The following CCN6 variants were observed in gnomAD, a reference collection of about 807,000 sequenced individuals.
CCN6 encodes the protein CCN family member 6.
CCN6 carries 31 observed loss-of-function variants against 37.4 expected under a neutral mutation model. The ratio of observed to expected loss-of-function variants is 0.83; its 90% CI spans 0.62 to 1.12. CCN6 has a LOEUF of 1.12. Among genes scored for constraint, CCN6 ranks in the 50% most tolerant of loss-of-function variants. CCN6 has a pLI of 0.00. For synonymous variants in CCN6, 137 were observed against 142.1 expected, an observed-to-expected ratio of 0.96 and a Z score of 0.26; for missense variants, 369 against 413.8, an observed-to-expected ratio of 0.89 and a Z score of 0.94.
At chr6:112,057,925 G>A (rs1315168245) in intron 1 of CCN6, among the ~76,000 whole-genome samples, 2 of 152,168 alleles carry the variant, frequency 1.3e-5, no homozygotes, top group African/African-American at 2.4e-5. Flanking sequence ...AGGTAGAGGA[G>A]AGTTAAATGC....
chr6:112,069,072 CAG>C (rs1362155261), intron 4 of CCN6, among the ~76,000 whole-genome samples: 8 of 152,026 alleles, frequency 5.3e-5, no homozygotes, highest in African/African-American at 1.9e-4. Context: ...TTAAACAAAA[CAG>C]AAATTTCTAT....
chr6:112,060,281 G>T (rs1776474708), intron 1 of CCN6, among the ~76,000 whole-genome samples: 1 of 152,190 alleles, frequency 6.6e-6, no homozygotes, highest in African/African-American at 2.4e-5. Flanking sequence ...AGCAAGGAAG[G>T]TGAACACTCA....
In CCN6 at chr6:112,061,152, T is replaced by C. The variant is rs150881320; in HGVS notation, c.210T>C (p.Asp70=). The C allele has an allele frequency of 6.8e-6, 11 of 1,614,006 alleles. No homozygotes were observed. The highest frequency in any genetic ancestry group is 1.6e-4 in the Middle Eastern group (1 of 6,082). Residue 70 remains aspartate (D), a synonymous_variant, in exon 2 of 5, where the codon GAT becomes GAC. Coordinates refer to ENST00000368666, the MANE Select transcript of CCN6 (RefSeq NM_198239.2). Reference sequence around the variant, plus strand: ...CTCCTGGAGTGAGCCTGGTGAGAGATGGCTGTGGATGCTGTAAAATCTGTG... The same window carrying C: ...CTCCTGGAGTGAGCCTGGTGAGAGACGGCTGTGGATGCTGTAAAATCTGTG... The part of the protein sequence containing the change: ...RCPPGVSLVR[D]GCGCCKICAK...
chr6:112,059,780 T>G (rs1376854953), intron 1 of CCN6, among the ~76,000 whole-genome samples: 1 of 152,208 alleles, frequency 6.6e-6, no homozygotes, highest in African/African-American at 2.4e-5. Flanking sequence ...GTAAAGTGAT[T>G]TATAAAGATG....
intron 1 of CCN6, among the ~76,000 whole-genome samples, chr6:112,058,954 A>T (rs972440639): frequency 2.6e-5 from 4 of 152,212 alleles, no homozygotes; most frequent in African/African-American, 9.6e-5. Flanking sequence ...GGGGGAGGGT[A>T]CTTGTAGAAC....
chr6:112,066,080 AGAAAT>A (rs1776687652), intron 3 of CCN6, among the ~76,000 whole-genome samples: 1 of 152,238 alleles, frequency 6.6e-6, no homozygotes, highest in African/African-American at 2.4e-5. Context: ...CTATAAGCAG[AGAAAT>A]GAGTTTAGAT....
rs141505678 is a variant in CCN6, at chr6:112,061,121, G to A, written c.179G>A (p.Arg60His). ...TGCAAATGCCCTCAGCAGAAGCCCCGTTGCCCTCCTGGAGTGAGCCTGGTG... is the reference window on the plus strand; with the variant it reads ...TGCAAATGCCCTCAGCAGAAGCCCCATTGCCCTCCTGGAGTGAGCCTGGTG... ...WPCKCPQQKP[R>H]CPPGVSLVRD... Residue 60 changes from arginine to histidine, a missense_variant, in exon 2 of 5, where the codon CGT (arginine) becomes CAT (histidine). Arg to His is a conservative substitution (Grantham distance 29). Coordinates refer to ENST00000368666, the MANE Select transcript of CCN6 (RefSeq NM_198239.2). 53 of 1,614,140 alleles carry A rather than the reference G, an allele frequency of 3.3e-5. No individual in the cohort carries two copies. The African/African-American group carries it at 3.9e-4, about 12-fold the overall frequency.
At position 112,069,366 on chromosome 6, in the gene CCN6, A is replaced by G. The variant is rs782217704; in HGVS notation, c.811A>G (p.Thr271Ala). The change falls in exon 5 of 5, where the codon ACT becomes GCT. Residue 271 changes from threonine (T) to alanine (A), a missense_variant. Coordinates refer to ENST00000368666, the MANE Select transcript of CCN6 (RefSeq NM_198239.2). Reference protein sequence around the residue: ...KIPKGKTCQPTFQLSKAEKFV... With the variant: ...KIPKGKTCQPAFQLSKAEKFV... Reference sequence around the variant, plus strand: ...TCCCAAAGGAAAAACATGCCAACCTACTTTCCAACTCTCCAAAGCTGAAAA... The same window carrying G: ...TCCCAAAGGAAAAACATGCCAACCTGCTTTCCAACTCTCCAAAGCTGAAAA... 4 of 1,613,480 alleles carry G rather than the reference A, an allele frequency of 2.5e-6. No homozygotes were observed. In the Admixed American group the frequency reaches 6.7e-5, roughly 27 times the overall value.
chr6:112,060,859 T>C, intron 1 of CCN6, 132 bp from the exon 2 acceptor site: 1 of 1,050,164 alleles, frequency 9.5e-7, no homozygotes, highest in East Asian at 2.5e-5. Flanking sequence ...TTGTGTCAAA[T>C]GCTGATAGGT....
At chr6:112,060,664 G>A (rs1280712428) in intron 1 of CCN6, among the ~76,000 whole-genome samples, 2 of 151,882 alleles carry the variant, frequency 1.3e-5, no homozygotes. Context: ...ATATAGTGAG[G>A]GAAGATACTT....
chr6:112,068,087 C>A, intron 3 of CCN6, 118 bp from the exon 4 acceptor site: 1 of 866,498 alleles, frequency 1.2e-6, no homozygotes, highest in Non-Finnish European at 1.7e-6. Flanking sequence ...TTCTTTTATT[C>A]TGAGTTATAT....
rs375253675 is a variant in CCN6 at position 112,068,371 on chromosome 6, C to T, written c.756C>T (p.Cys252=). 74 of 1,612,404 alleles carry T rather than the reference C, an allele frequency of 4.6e-5. No individual in the cohort carries two copies. Among genetic ancestry groups the T allele is most frequent in the African/African-American group, 2.8e-4 (21 of 74,928 alleles). ...AAAGACTGTGTTACATTCAGCCTTG[C>T]GACAGCAATATATTAAAGACAATAA... is the stretch of plus-strand genomic sequence containing the variant. ...KEKRLCYIQP[C]DSNILKTIKI... is the part of the protein sequence containing the mutation. The change falls in exon 4 of 5, where the codon TGC becomes TGT. Residue 252 remains cysteine (C), a synonymous_variant. Transcript: ENST00000368666.
chr6:112,054,427 T>C (rs1554311402), intron 1 of CCN6, 22 bp downstream of exon 1: 1 of 1,611,832 alleles, frequency 6.2e-7, no homozygotes, highest in South Asian at 1.1e-5. Flanking sequence ...CCCCCGACTC[T>C]TTCCCTTCCG....
chr6:112,066,862 A>G (rs782498652), intron 3 of CCN6: 12 of 851,866 alleles, frequency 1.4e-5, no homozygotes, highest in African/African-American at 1.8e-5. Flanking sequence ...AATCTCTTCT[A>G]GTTTTCTTGC....
intron 1 of CCN6, among the ~76,000 whole-genome samples, chr6:112,055,530 A>T (rs1211974476): frequency 6.6e-6 from 1 of 152,202 alleles, no homozygotes. Context: ...AGCTGATAAT[A>T]CCTAGCATTT....
At chr6:112,055,444 G>A (rs587673238) in intron 1 of CCN6, among the ~76,000 whole-genome samples, 105 of 152,270 alleles carry the variant, frequency 6.9e-4, no homozygotes, top group African/African-American at 2.4e-3. Flanking sequence ...ACACAGAAAG[G>A]TGTTACACAA....
chr6:112,068,102 C>T lies in CCN6; in HGVS notation c.590-103C>T, dbSNP rs1554314430. On this transcript the variant is annotated intron_variant, in intron 3 of 4. Transcript: ENST00000368666. The stretch of plus-strand genomic sequence containing the variant: ...TTCTTTTATTCTGAGTTATATTATA[C>T]AAAAATACTCAGATTTCTTAAACAT... 3.0e-6 allele frequency: 3 copies of T among 1,010,650 alleles called. No homozygotes were observed. In the African/African-American group the frequency reaches 4.9e-5, roughly 17 times the overall value. The allele number at this position is 1,010,650 out of a possible 1,614,324, so 62.6% of individuals were successfully genotyped here.
At chr6:112,057,234 CT>C (rs1639145004) in intron 1 of CCN6, among the ~76,000 whole-genome samples, 1 of 152,146 alleles carries the variant, frequency 6.6e-6, no homozygotes, top group Non-Finnish European at 1.5e-5. Flanking sequence ...CAGGAGAGGG[CT>C]TTGGATAACT....
chr6:112,069,485 TA>T lies in CCN6; in HGVS notation c.934del (p.Met312Ter). Reference sequence around the variant, plus strand: ...AGAGATGCTGTATCCCTAATAAGTCTAAAATGATTACTATTCAATTTGATTG... The same window carrying T: ...AGAGATGCTGTATCCCTAATAAGTCTAAATGATTACTATTCAATTTGATTG... ...DKRCCIPNKSKMITIQFDCPN... is the reference protein window; with the variant it reads ...DKRCCIPNKSXMITIQFDCPN... On this transcript the variant is annotated frameshift_variant, in exon 5 of 5. Coordinates refer to ENST00000368666, the MANE Select transcript of CCN6 (RefSeq NM_198239.2). LOFTEE classifies it high-confidence loss of function. The T allele has an allele frequency of 6.2e-7, 1 of 1,613,784 alleles. No individual in the cohort carries two copies. The highest frequency in any genetic ancestry group is 1.3e-5 in the African/African-American group (1 of 75,020).
Sources: allele counts gnomAD v4.1 joint callset (sites outside exome capture counted in the v4.1 genomes callset), GRCh38; gene constraint gnomAD v4.1.1; transcripts MANE v1.5; gene names NCBI Gene and HGNC (gene_info 2026-07-23, HGNC 2026-07-21).